The following SHISA5 variants were observed in gnomAD, a reference collection of about 807,000 sequenced individuals.
SHISA5 encodes shisa family member 5.
Under a neutral mutation model 27.5 loss-of-function variants are expected in SHISA5, and 21 were observed. That is an observed-to-expected ratio of 0.76 (90% CI 0.54 to 1.10). SHISA5 has a LOEUF of 1.10. Ranked by LOEUF, SHISA5 falls within the 50% of genes least tolerant of loss-of-function variation. SHISA5 has a pLI of 0.00. For synonymous variants in SHISA5, 137 were observed against 142.2 expected, an observed-to-expected ratio of 0.96 and a Z score of 0.26; for missense variants, 314 against 336.3, an observed-to-expected ratio of 0.93 and a Z score of 0.52.
chr3:48,482,872 A>G lies in SHISA5; in HGVS notation c.234-3615T>C, dbSNP rs1193365453. ...CTGGACTCGAACTCCTGACCTTGTG[A>G]TCCACCCATCTTGGCCTCCCAAAAT... On this transcript the variant is annotated intron_variant, in intron 2 of 5. Coordinates refer to ENST00000296444, the MANE Select transcript of SHISA5 (RefSeq NM_016479.6). Among the ~76,000 whole-genome samples the G allele has an allele frequency of 3.3e-5, 5 of 152,060 alleles. No individual in the cohort carries two copies. The East Asian group carries it at 9.7e-4, about 29-fold the overall frequency.
At position 48,504,055 on chromosome 3, in the gene SHISA5, A is replaced by C. The variant is rs1489271083; in HGVS notation, c.40T>G (p.Leu14Val). ...PVPAPRILLPLLLLLLLTPPP... is the reference protein window; with the variant it reads ...PVPAPRILLPVLLLLLLTPPP... ...GGCGTTAGCAGCAGCAGCAACAGCA[A>C]CGGCAACAGGATCCGCGGCGCGGGG... Residue 14 changes from leucine to valine, a missense_variant, in exon 1 of 6, where the codon TTG (leucine) becomes GTG (valine). Leu to Val is a conservative substitution (Grantham distance 32). Coordinates refer to ENST00000296444, the MANE Select transcript of SHISA5 (RefSeq NM_016479.6). The surrounding 1 kb of genome is among the most constrained non-coding windows in gnomAD (Gnocchi z 4.0). The C allele has an allele frequency of 3.3e-5, 48 of 1,447,098 alleles. No homozygotes were observed. The highest frequency in any genetic ancestry group is 2.6e-4 in the Admixed American group (10 of 38,310). 89.6% of individuals were successfully genotyped at this position (1,447,098 alleles called of 1,614,324 possible). A position where few individuals can be genotyped will look rare whatever the true frequency, so the allele number is the denominator to read the frequency against.
intron 3 of SHISA5, among the ~76,000 whole-genome samples, chr3:48,474,538 C>T (rs9815088): frequency 0.63 from 95,858 of 151,638 alleles, 30,332 homozygotes; most frequent in African/African-American, 0.69. Flanking sequence ...GGTTTCACCA[C>T]GTTGGCCAGG....
In SHISA5 at chr3:48,493,523, CTTTTTTTTTTTTT is replaced by C. The variant is rs1195281041; in HGVS notation, c.233+7601_233+7613del. Reference sequence around the variant, plus strand: ...TCCTTAGAAATGGCCATGATCTATTCTTTTTTTTTTTTTTTTTTTTTTTTTTGAGACAGAGGCG... The same window carrying C: ...TCCTTAGAAATGGCCATGATCTATTCTTTTTTTTTTTTTGAGACAGAGGCG... On this transcript the variant is annotated intron_variant, in intron 2 of 5. Coordinates refer to ENST00000296444, the MANE Select transcript of SHISA5 (RefSeq NM_016479.6). Among the ~76,000 whole-genome samples the C allele has an allele frequency of 1.2e-4, 6 of 50,450 alleles. No individual in the cohort carries two copies. The East Asian group carries it at 2.6e-3, about 22-fold the overall frequency. 33.1% of individuals were successfully genotyped at this position (50,450 alleles called of 152,430 possible).
At chr3:48,487,150 C>A (rs7433168) in intron 2 of SHISA5, among the ~76,000 whole-genome samples, 13,623 of 151,102 alleles carry the variant, frequency 0.09, 1,391 homozygotes, top group African/African-American at 0.25. Flanking sequence ...ACACACACTC[C>A]CACACACTCC....
intron 1 of SHISA5, chr3:48,502,689 CCGGATT>C (rs1234138901): frequency 3.1e-6 from 1 of 327,160 alleles, no homozygotes; most frequent in Non-Finnish European, 6.1e-6. Flanking sequence ...AGGAACAGTA[CCGGATT>C]CTGCCAGGGC....
intron 2 of SHISA5, among the ~76,000 whole-genome samples, chr3:48,486,956 C>G (rs1391603392): frequency 6.6e-6 from 1 of 151,244 alleles, no homozygotes; most frequent in Non-Finnish European, 1.5e-5. Context: ...AAAGAAAAAC[C>G]CACAGGTGGC....
At chr3:48,502,200 TCA>T in intron 1 of SHISA5, 1 of 343,824 alleles carries the variant, frequency 2.9e-6, no homozygotes, top group Non-Finnish European at 5.9e-6. Flanking sequence ...ACTCTCTCCC[TCA>T]CTCAACCACA....
chr3:48,467,911 G>C lies in SHISA5; in HGVS notation c.*1196C>G, dbSNP rs2040412383. Reference sequence around the variant, plus strand: ...TGCATTTATTATAAACAAGTGTACAGACCCTAGACTCAGAAACACAACAGA... The same window carrying C: ...TGCATTTATTATAAACAAGTGTACACACCCTAGACTCAGAAACACAACAGA... On this transcript the variant is annotated 3_prime_UTR_variant, in exon 6 of 6. Transcript: ENST00000296444. 3.3e-5 allele frequency: 13 copies of C among 398,156 alleles called. No homozygotes were observed. The South Asian group carries it at 4.2e-4, about 13-fold the overall frequency. 24.7% of individuals were successfully genotyped at this position (398,156 alleles called of 1,614,324 possible). A position where few individuals can be genotyped will look rare whatever the true frequency, so the allele number is the denominator to read the frequency against.
intron 3 of SHISA5, 151 bp downstream of exon 3, chr3:48,479,026 G>GTGGT: frequency 1.5e-6 from 1 of 686,074 alleles, no homozygotes; most frequent in Middle Eastern, 4.0e-4. Flanking sequence ...AGCATAAGGA[G>GTGGT]CAAGTGTCCT....
At chr3:48,488,600 A>G (rs975417744) in intron 2 of SHISA5, among the ~76,000 whole-genome samples, 2 of 148,354 alleles carry the variant, frequency 1.3e-5, no homozygotes, top group African/African-American at 4.9e-5. Flanking sequence ...TTGGGAGGCC[A>G]AGGCGGGCAG....
chr3:48,488,605 G>A (rs1244007777), intron 2 of SHISA5, among the ~76,000 whole-genome samples: 5 of 150,232 alleles, frequency 3.3e-5, no homozygotes, highest in South Asian at 2.1e-4. Flanking sequence ...AGGCCAAGGC[G>A]GGCAGATCAC....
At chr3:48,471,536 CAG>C (rs1262061440) in intron 3 of SHISA5, among the ~76,000 whole-genome samples, 1 of 105,136 alleles carries the variant, frequency 9.5e-6, no homozygotes, top group Non-Finnish European at 1.7e-5. Context: ...GCCTGGGGGA[CAG>C]AGTGAGACTC....
chr3:48,479,435 C>T, intron 2 of SHISA5, 178 bp from the exon 3 acceptor site: 2 of 610,130 alleles, frequency 3.3e-6, no homozygotes, highest in Non-Finnish European at 5.9e-6. Context: ...CACACATCCT[C>T]TCAGGTGTCC....
At chr3:48,496,690 C>T (rs1374902633) in intron 2 of SHISA5, among the ~76,000 whole-genome samples, 2 of 149,842 alleles carry the variant, frequency 1.3e-5, no homozygotes, top group Middle Eastern at 3.2e-3. Context: ...GCCGTGATCA[C>T]GCCATCACAC....
In SHISA5 at chr3:48,498,820, G is replaced by A. The variant is rs544391516; in HGVS notation, c.233+2317C>T. 7.2e-5 allele frequency among the ~76,000 whole-genome samples: 11 copies of A among 152,006 alleles called. No homozygotes were observed. In the South Asian group the frequency reaches 1.2e-3, roughly 17 times the overall value. ...AATGCATACGGGCGCGGTGGCTCAC[G>A]CCTGTAATCCCAGCACTTTGGGAGG... On this transcript the variant is annotated intron_variant, in intron 2 of 5. Coordinates refer to ENST00000296444, the MANE Select transcript of SHISA5 (RefSeq NM_016479.6).
In SHISA5 at chr3:48,470,119, C is replaced by G. The variant is rs2040553970; in HGVS notation, c.315-276G>C. On this transcript the variant is annotated intron_variant, in intron 3 of 5. Transcript: ENST00000296444. The surrounding 1 kb of genome is among the most constrained non-coding windows in gnomAD (Gnocchi z 4.3). ...CTTCAAGTCCCATGCCACACACATACATCTATCTTGTCCACCTCACAACCA... is the reference window on the plus strand; with the variant it reads ...CTTCAAGTCCCATGCCACACACATAGATCTATCTTGTCCACCTCACAACCA... Among the ~76,000 whole-genome samples, 1 of 152,210 alleles carries G rather than the reference C, an allele frequency of 6.6e-6. No homozygotes were observed. The highest frequency in any genetic ancestry group is 2.4e-5 in the African/African-American group (1 of 41,458).
intron 2 of SHISA5, among the ~76,000 whole-genome samples, chr3:48,497,672 A>G (rs2041599594): frequency 6.6e-6 from 1 of 152,092 alleles, no homozygotes; most frequent in African/African-American, 2.4e-5. Flanking sequence ...GGATCACTTG[A>G]GCCCAGGAGT....
At chr3:48,485,017 A>AC (rs1182214951) in intron 2 of SHISA5, among the ~76,000 whole-genome samples, 7 of 151,712 alleles carry the variant, frequency 4.6e-5, no homozygotes, top group African/African-American at 1.2e-4. Flanking sequence ...ACATGGTGAG[A>AC]CCCCTTCTCT....
At chr3:48,488,351 C>CCACCA (rs1370781024) in intron 2 of SHISA5, among the ~76,000 whole-genome samples, 8 of 150,892 alleles carry the variant, frequency 5.3e-5, no homozygotes, top group Non-Finnish European at 1.2e-4. Flanking sequence ...CCTTAGCCTC[C>CCACCA]CGAGTAGCTG....
Sources: allele counts gnomAD v4.1 joint callset (sites outside exome capture counted in the v4.1 genomes callset), GRCh38; gene constraint gnomAD v4.1.1; non-coding constraint Gnocchi (gnomAD v3.1); transcripts MANE v1.5; gene names NCBI Gene and HGNC (gene_info 2026-07-23, HGNC 2026-07-21).